Variants in HCN1 observed in about 807,000 individuals in gnomAD.
HCN1 encodes the protein potassium/sodium hyperpolarization-activated cyclic nucleotide-gated channel 1.
Under a neutral mutation model 78.9 loss-of-function variants are expected in HCN1, and 13 were observed. That is an observed-to-expected ratio of 0.16 (90% CI 0.11 to 0.26). The LOEUF is 0.26. Ranked by LOEUF, HCN1 falls within the 10% of genes least tolerant of loss-of-function variation. The probability of loss-of-function intolerance (pLI) is 1.00; values close to 1 mark genes in which losing one functional copy is unlikely to be tolerated. For synonymous variants in HCN1, 552 were observed against 455.5 expected (o/e 1.21, Z -2.70); for missense variants, 810 against 1,154.3 (o/e 0.70, Z 4.32).
chr5:45,590,566 G>C (rs2111942743), intron 2 of HCN1, among the ~76,000 whole-genome samples: 1 of 152,284 alleles, frequency 6.6e-6, no homozygotes, highest in Middle Eastern at 3.4e-3. Context: ...GTTTGGACAA[G>C]TGTATAATGA....
chr5:45,682,272 CAT>C lies in HCN1; in HGVS notation c.425+13395_425+13396del, dbSNP rs548796805. Among the ~76,000 whole-genome samples, 522 of 109,746 alleles carry C rather than the reference CAT, an allele frequency of 4.8e-3. 5 individuals carry two copies. Among genetic ancestry groups the C allele is most frequent in the African/African-American group, 0.017 (411 of 23,804 alleles). 72.0% of individuals were successfully genotyped at this position (109,746 alleles called of 152,430 possible). On this transcript the variant is annotated intron_variant, in intron 1 of 7. Transcript: ENST00000303230. The stretch of plus-strand genomic sequence containing the variant: ...ACAAGATATCATATATATATATATA[CAT>C]ATATATATATATATACACATATATA...
intron 4 of HCN1, among the ~76,000 whole-genome samples, chr5:45,382,237 T>G (rs772441848): frequency 7.2e-5 from 11 of 152,170 alleles, no homozygotes; most frequent in Non-Finnish European, 1.6e-4. Flanking sequence ...TTACTTTGTT[T>G]TATCTTGTTT....
At position 45,261,841 on chromosome 5, in the gene HCN1, C is replaced by A; in HGVS notation, c.*80G>T. ...TTCATAGTAGGCTAGAGGGATCTAT[C>A]AGGAGATAGAATAAAATAAGATCTG... On this transcript the variant is annotated 3_prime_UTR_variant, in exon 8 of 8. Transcript: ENST00000303230. 2 of 1,566,870 alleles carry A rather than the reference C, an allele frequency of 1.3e-6. No homozygotes were observed. The highest frequency in any genetic ancestry group is 1.8e-6 in the Non-Finnish European group (2 of 1,142,230).
At position 45,364,029 on chromosome 5, in the gene HCN1, G is replaced by C. The variant is rs1747180748; in HGVS notation, c.1231-10783C>G. Among the ~76,000 whole-genome samples the C allele has an allele frequency of 1.3e-5, 2 of 151,972 alleles. 1 individual carries two copies. The highest frequency in any genetic ancestry group is 4.1e-4 in the South Asian group (2 of 4,828). ...ATTCTTTTATTAGGCTCTGCTACTA[G>C]GAGATTCCAAACTAAGACAGTATTA... On this transcript the variant is annotated intron_variant, in intron 4 of 7. Transcript: ENST00000303230.
intron 2 of HCN1, among the ~76,000 whole-genome samples, chr5:45,518,904 A>C (rs1742566063): frequency 6.6e-6 from 1 of 151,968 alleles, no homozygotes; most frequent in African/African-American, 2.4e-5. Flanking sequence ...CCTTCATATA[A>C]GATCTCAGCA....
intron 3 of HCN1, among the ~76,000 whole-genome samples, chr5:45,458,047 C>A (rs905703925): frequency 1.3e-5 from 2 of 151,964 alleles, no homozygotes; most frequent in South Asian, 2.1e-4. Context: ...TTTAGAAAGA[C>A]TGCAAAGGAA....
chr5:45,439,557 A>G (rs1426820895), intron 3 of HCN1, among the ~76,000 whole-genome samples: 1 of 152,124 alleles, frequency 6.6e-6, no homozygotes, highest in African/African-American at 2.4e-5. Flanking sequence ...AAATTGTCAA[A>G]TTCAAATCTC....
At chr5:45,548,377 G>T (rs1351927582) in intron 2 of HCN1, among the ~76,000 whole-genome samples, 2 of 151,826 alleles carry the variant, frequency 1.3e-5, no homozygotes, top group Non-Finnish European at 2.9e-5. Flanking sequence ...TGGATTAAGA[G>T]ATGATATAAG....
intron 3 of HCN1, among the ~76,000 whole-genome samples, chr5:45,401,202 A>G (rs1027328017): frequency 6.6e-6 from 1 of 152,182 alleles, no homozygotes; most frequent in African/African-American, 2.4e-5. Context: ...TACCTTTTCC[A>G]ATGTGTAAAA....
chr5:45,298,901 T>C (rs1745550983), intron 6 of HCN1, among the ~76,000 whole-genome samples: 1 of 151,990 alleles, frequency 6.6e-6, no homozygotes, highest in South Asian at 2.1e-4. Flanking sequence ...AGCAATAAGA[T>C]ATATTCATAG....
At chr5:45,639,583 C>T (rs1745415678) in intron 2 of HCN1, among the ~76,000 whole-genome samples, 1 of 152,010 alleles carries the variant, frequency 6.6e-6, no homozygotes, top group South Asian at 2.1e-4. Flanking sequence ...TTGAAACCTC[C>T]AATATAATTG....
chr5:45,365,944 C>T (rs766110859), intron 4 of HCN1, among the ~76,000 whole-genome samples: 1 of 151,740 alleles, frequency 6.6e-6, no homozygotes, highest in African/African-American at 2.4e-5. Context: ...AATGACCTCC[C>T]ATTTAATTTC....
At chr5:45,611,948 A>G (rs1048610864) in intron 2 of HCN1, among the ~76,000 whole-genome samples, 2 of 152,182 alleles carry the variant, frequency 1.3e-5, no homozygotes, top group African/African-American at 4.8e-5. Flanking sequence ...TCTGAAGTGC[A>G]TCTTATAAAT....
intron 3 of HCN1, among the ~76,000 whole-genome samples, chr5:45,432,192 C>T (rs1418895159): frequency 6.6e-6 from 1 of 151,976 alleles, no homozygotes; most frequent in Non-Finnish European, 1.5e-5. Context: ...CTTTTTGTGA[C>T]TACTTTGAAT....
At chr5:45,663,823 G>T (rs923526975) in intron 1 of HCN1, among the ~76,000 whole-genome samples, 5 of 149,064 alleles carry the variant, frequency 3.4e-5, no homozygotes, top group African/African-American at 9.9e-5. Context: ...TGCTGGAGAG[G>T]ATGTGGAGAA....
intron 6 of HCN1, among the ~76,000 whole-genome samples, chr5:45,282,004 A>G (rs1251202912): frequency 1.3e-5 from 2 of 152,152 alleles, no homozygotes; most frequent in African/African-American, 4.8e-5. Flanking sequence ...TGACTTTTAC[A>G]CTGGTACAAA....
intron 2 of HCN1, among the ~76,000 whole-genome samples, chr5:45,471,005 T>G (rs534605656): frequency 6.6e-6 from 1 of 152,024 alleles, no homozygotes; most frequent in East Asian, 1.9e-4. Flanking sequence ...TAGGTACATG[T>G]TTGACAATAT....
At chr5:45,336,292 A>T (rs1746454460) in intron 5 of HCN1, among the ~76,000 whole-genome samples, 1 of 152,108 alleles carries the variant, frequency 6.6e-6, no homozygotes, top group Non-Finnish European at 1.5e-5. Flanking sequence ...CCACACAGTA[A>T]TAGTTTTAAT....
chr5:45,577,677 T>C (rs1743976534), intron 2 of HCN1, among the ~76,000 whole-genome samples: 1 of 152,014 alleles, frequency 6.6e-6, no homozygotes, highest in Admixed American at 6.6e-5. Context: ...TTTTAACAAC[T>C]ATATAAAGAA....
Sources: allele counts gnomAD v4.1 joint callset (sites outside exome capture counted in the v4.1 genomes callset), GRCh38; gene constraint gnomAD v4.1.1; transcripts MANE v1.5; gene names NCBI Gene and HGNC (gene_info 2026-07-23, HGNC 2026-07-21).